The following PCDH15 variants were observed in gnomAD, a reference collection of about 807,000 sequenced individuals.
The protein encoded by PCDH15 is protocadherin-15.
A neutral mutation model predicts 178.5 loss-of-function variants in PCDH15; 129 were observed. That is an observed-to-expected ratio of 0.72 (90% confidence interval 0.63 to 0.84). The LOEUF (loss-of-function observed/expected upper bound fraction) is 0.84, where lower values mean the gene tolerates loss of function less well. Among genes scored for constraint, PCDH15 ranks in the 40% least tolerant of loss-of-function variants. The pLI is 0.00. For missense variants in PCDH15, 2,230 were observed against 2,099.9 expected, an observed-to-expected ratio of 1.06 and a Z score of -1.21; for synonymous variants, 800 against 732.0, an observed-to-expected ratio of 1.09 and a Z score of -1.50.
chr10:55,534,600 A>C (rs1841530317), intron 2 of PCDH15, among the ~76,000 whole-genome samples: 1 of 152,224 alleles, frequency 6.6e-6, no homozygotes, highest in African/African-American at 2.4e-5. Flanking sequence ...GAGAAAAGGA[A>C]ACATTTATAC....
At chr10:53,862,752 C>T (rs2079182935) in intron 27 of PCDH15, among the ~76,000 whole-genome samples, 1 of 152,150 alleles carries the variant, frequency 6.6e-6, no homozygotes, top group Non-Finnish European at 1.5e-5. Context: ...ATAAAAAAAG[C>T]AGCTTGTTCA....
At chr10:54,720,901 A>G (rs542443665) in intron 1 of PCDH15, among the ~76,000 whole-genome samples, 1 of 152,144 alleles carries the variant, frequency 6.6e-6, no homozygotes, top group South Asian at 2.1e-4. Flanking sequence ...CATAATAGGT[A>G]TTTACATTAC....
At chr10:55,533,350 CT>C (rs1323517673) in intron 2 of PCDH15, among the ~76,000 whole-genome samples, 1 of 152,020 alleles carries the variant, frequency 6.6e-6, no homozygotes, top group Non-Finnish European at 1.5e-5. Flanking sequence ...TCACCAAGGT[CT>C]TACTAGAACT....
chr10:54,019,500 C>G (rs921036699), intron 20 of PCDH15, among the ~76,000 whole-genome samples: 2 of 152,074 alleles, frequency 1.3e-5, no homozygotes, highest in African/African-American at 4.8e-5. Context: ...AGATGACGCT[C>G]AGAGGATCAC....
At chr10:55,087,297 A>C (rs2132032000) in intron 2 of PCDH15, among the ~76,000 whole-genome samples, 1 of 152,328 alleles carries the variant, frequency 6.6e-6, no homozygotes, top group South Asian at 2.1e-4. Flanking sequence ...ACAGTGAATC[A>C]GGAATTCTAA....
At chr10:55,006,007 A>G (rs764642944) in intron 2 of PCDH15, among the ~76,000 whole-genome samples, 6 of 151,938 alleles carry the variant, frequency 3.9e-5, no homozygotes, top group Non-Finnish European at 7.4e-5. Context: ...AATGTACAAT[A>G]TGATGTTTTG....
At chr10:53,851,452 G>T (rs141267418) in intron 28 of PCDH15, among the ~76,000 whole-genome samples, 9 of 151,218 alleles carry the variant, frequency 6.0e-5, no homozygotes, top group African/African-American at 2.2e-4. Context: ...CCAGCTCTAA[G>T]ATACAAATGC....
intron 15 of PCDH15, among the ~76,000 whole-genome samples, chr10:54,123,247 G>A (rs1327131481): frequency 6.6e-6 from 1 of 152,020 alleles, no homozygotes; most frequent in Non-Finnish European, 1.5e-5. Context: ...TACAGAACAG[G>A]AGAGAATATT....
chr10:54,364,843 T>G (rs1946569972), intron 5 of PCDH15, among the ~76,000 whole-genome samples: 1 of 152,140 alleles, frequency 6.6e-6, no homozygotes, highest in South Asian at 2.1e-4. Context: ...CTCATTCAGA[T>G]TATTGGCTGT....
Position 54,237,392 on chromosome 10 carries a change from A to G in PCDH15, c.877-461T>C, listed in dbSNP as rs115001180. Among the ~76,000 whole-genome samples, 215 of 152,234 alleles carry G rather than the reference A, an allele frequency of 1.4e-3. 1 individual carries two copies. Among genetic ancestry groups the G allele is most frequent in the African/African-American group, 5.0e-3 (209 of 41,572 alleles). ...ATATAAATAAAGTAAATAATTTCAT[A>G]AAAATAAAAGTCACATTATTGCAAA... is the stretch of plus-strand genomic sequence containing the variant. On this transcript the variant is annotated intron_variant, in intron 8 of 37. Transcript: ENST00000644397.
At chr10:54,992,689 A>C (rs1839532659) in intron 2 of PCDH15, among the ~76,000 whole-genome samples, 1 of 151,322 alleles carries the variant, frequency 6.6e-6, no homozygotes, top group South Asian at 2.1e-4. Context: ...TGGAAGGTGG[A>C]GCTTGCAGTG....
chr10:55,600,038 C>T, intron 2 of PCDH15: 1 of 1,149,526 alleles, frequency 8.7e-7, no homozygotes, highest in South Asian at 1.9e-5. Context: ...AACAAGCCAA[C>T]AGGCCCCAAT....
chr10:54,352,406 G>A (rs1020154937), intron 5 of PCDH15, among the ~76,000 whole-genome samples: 1 of 151,948 alleles, frequency 6.6e-6, no homozygotes, highest in Non-Finnish European at 1.5e-5. Flanking sequence ...CCACCCTAGA[G>A]GAAAAATTTA....
At chr10:54,280,402 T>C (rs1237827985) in intron 8 of PCDH15, among the ~76,000 whole-genome samples, 1 of 151,676 alleles carries the variant, frequency 6.6e-6, no homozygotes, top group Non-Finnish European at 1.5e-5. Context: ...CTGCTTCATA[T>C]TTCCTTCTCT....
At chr10:53,867,224 T>G (rs1295744752) in intron 26 of PCDH15, among the ~76,000 whole-genome samples, 1 of 152,078 alleles carries the variant, frequency 6.6e-6, no homozygotes, top group Non-Finnish European at 1.5e-5. Flanking sequence ...ATTCCACATA[T>G]GAATAAGAAC....
At chr10:54,942,343 T>C (rs1033556389) in intron 2 of PCDH15, among the ~76,000 whole-genome samples, 1 of 152,032 alleles carries the variant, frequency 6.6e-6, no homozygotes, top group African/African-American at 2.4e-5. Context: ...CAGAATTTAG[T>C]AGATTTTATT....
At chr10:55,126,613 G>C (rs1383060055) in intron 2 of PCDH15, among the ~76,000 whole-genome samples, 1 of 151,744 alleles carries the variant, frequency 6.6e-6, no homozygotes, top group Non-Finnish European at 1.5e-5. Flanking sequence ...GAAAATAGAA[G>C]ATACTTTGAC....
chr10:54,260,701 C>G (rs1169718441), intron 8 of PCDH15, among the ~76,000 whole-genome samples: 1 of 152,128 alleles, frequency 6.6e-6, no homozygotes, highest in African/African-American at 2.4e-5. Flanking sequence ...CGGCCTCAGC[C>G]TCCCAAGTAG....
intron 3 of PCDH15, among the ~76,000 whole-genome samples, chr10:54,853,289 GTA>G (rs71014423): frequency 0.01 from 1,037 of 102,514 alleles, 10 homozygotes; most frequent in East Asian, 0.024. Context: ...ATGTATGTGT[GTA>G]TATATATATA....
Sources: gnomAD v4.1 joint callset for allele counts (sites outside exome capture counted in the v4.1 genomes callset) on GRCh38, gnomAD v4.1.1 for gene constraint, MANE v1.5 for transcripts, NCBI Gene and HGNC (gene_info 2026-07-23, HGNC 2026-07-21) for gene names.